The following MED13 variants were observed in gnomAD, a reference collection of about 807,000 sequenced individuals.
MED13 encodes mediator complex subunit 13.
Under a neutral mutation model 225.2 loss-of-function variants are expected in MED13, and 23 were observed. The ratio of observed to expected loss-of-function variants is 0.10; its 90% CI spans 0.07 to 0.14. The LOEUF (loss-of-function observed/expected upper bound fraction) is 0.14, where lower values mean the gene tolerates loss of function less well. MED13 is among the 10% of genes least tolerant of loss of function. MED13 has a pLI of 1.00. For synonymous variants in MED13, 942 were observed against 889.2 expected, an observed-to-expected ratio of 1.06 and a Z score of -1.06; for missense variants, 2,197 against 2,594.5, an observed-to-expected ratio of 0.85 and a Z score of 3.33.
At chr17:62,017,060 A>C (rs1036097101) in intron 8 of MED13, among the ~76,000 whole-genome samples, 1 of 151,004 alleles carries the variant, frequency 6.6e-6, no homozygotes, top group Non-Finnish European at 1.5e-5. Flanking sequence ...AAAGTAAATT[A>C]AACAAATTTT....
intron 27 of MED13, among the ~76,000 whole-genome samples, chr17:61,952,316 T>A (rs1300128109): frequency 1.3e-5 from 2 of 152,190 alleles, no homozygotes; most frequent in African/African-American, 4.8e-5. Flanking sequence ...GAGTAGATGG[T>A]CAGTGTTTTA....
At chr17:61,967,994 G>A (rs750262063) in intron 18 of MED13, 41 bp downstream of exon 18, 6 of 1,470,258 alleles carry the variant, frequency 4.1e-6, no homozygotes, top group East Asian at 2.3e-5. Context: ...AATACAAATC[G>A]TAAGGTAGTT....
At chr17:62,018,844 G>A (rs947245189) in intron 8 of MED13, among the ~76,000 whole-genome samples, 2 of 152,092 alleles carry the variant, frequency 1.3e-5, no homozygotes, top group African/African-American at 4.8e-5. Context: ...GATCCTACAC[G>A]GATATTTAGA....
intron 1 of MED13, among the ~76,000 whole-genome samples, chr17:62,064,904 GGA>G (rs2081069246): frequency 6.6e-6 from 1 of 152,194 alleles, no homozygotes; most frequent in African/African-American, 2.4e-5. Flanking sequence ...ACGGTGAGAA[GGA>G]GAGTCCGAAA....
chr17:61,958,569 C>T (rs1169581643), intron 23 of MED13, among the ~76,000 whole-genome samples: 2 of 152,062 alleles, frequency 1.3e-5, no homozygotes, highest in African/African-American at 2.4e-5. Context: ...GATCTCTTGA[C>T]CTCGTGACCT....
At chr17:61,982,097 A>C (rs991574054) in intron 16 of MED13, 101 bp downstream of exon 16, 36 of 1,140,972 alleles carry the variant, frequency 3.2e-5, no homozygotes, top group Non-Finnish European at 4.0e-5. Flanking sequence ...TCCAACTTTA[A>C]ATGTATTTGC....
Position 61,961,602 on chromosome 17 carries a change from G to C in MED13, c.5242C>G (p.Leu1748Val). The change falls in exon 22 of 30, where the codon CTT (leucine) becomes GTT (valine). Residue 1748 changes from leucine to valine, a missense_variant. By Grantham distance (32) the Leu-to-Val change is conservative. Coordinates refer to ENST00000397786, the MANE Select transcript of MED13 (RefSeq NM_005121.3). ...CATATACTTACATCAGGACTTCTAA[G>C]GGCAGTTTCCATGGCTAAACCTGGA... ...FGPGLAMETA[L>V]RSPDRPECIR... 2 of 1,613,248 alleles carry C rather than the reference G, an allele frequency of 1.2e-6. No homozygotes were observed. The highest frequency in any genetic ancestry group is 1.7e-6 in the Non-Finnish European group (2 of 1,179,752).
intron 3 of MED13, chr17:62,036,990 G>A (rs2080809266): frequency 6.6e-6 from 1 of 152,186 alleles, no homozygotes; most frequent in African/African-American, 2.4e-5. Context: ...CAGGCACAGT[G>A]GCTCACATCT....
intron 9 of MED13, among the ~76,000 whole-genome samples, chr17:61,997,419 G>C (rs1341764298): frequency 2.6e-5 from 4 of 152,142 alleles, no homozygotes; most frequent in Admixed American, 1.3e-4. Context: ...ATAAACAGCT[G>C]AGTATCAAGT....
chr17:61,983,241 G>A (rs1444650888), intron 15 of MED13, 127 bp from the exon 16 acceptor site: 2 of 748,352 alleles, frequency 2.7e-6, no homozygotes, highest in Non-Finnish European at 4.1e-6. Context: ...GACAAGTATT[G>A]CAAGAATTAC....
At chr17:61,977,388 C>T (rs2080166396) in intron 16 of MED13, among the ~76,000 whole-genome samples, 1 of 152,196 alleles carries the variant, frequency 6.6e-6, no homozygotes, top group Non-Finnish European at 1.5e-5. Context: ...AGGAGCTTGC[C>T]ACCATTTCAT....
intron 9 of MED13, among the ~76,000 whole-genome samples, chr17:62,008,378 T>C (rs1268169945): frequency 6.9e-6 from 1 of 145,946 alleles, no homozygotes; most frequent in Non-Finnish European, 1.5e-5. Context: ...GCACAAGGAC[T>C]GGAAAAAAGA....
In MED13 at chr17:62,063,263, C is replaced by A; in HGVS notation, c.105G>T (p.Trp35Cys). 6.2e-7 allele frequency: 1 copy of A among 1,613,742 alleles called. No homozygotes were observed. The highest frequency in any genetic ancestry group is 8.5e-7 in the Non-Finnish European group (1 of 1,179,808). The change falls in exon 2 of 30, where the codon TGG (tryptophan) becomes TGT (cysteine). Residue 35 changes from tryptophan to cysteine, a missense_variant. Trp to Cys is a radical substitution (Grantham distance 215). This residue lies in a region of MED13 where 884 missense variants were observed against 918.5 expected (regional missense o/e 0.96). Coordinates refer to ENST00000397786, the MANE Select transcript of MED13 (RefSeq NM_005121.3). ...GAATAGGGGCAGAAGTTGGGCCTTG[C>A]CATACATATTTTTTCCACTTAATTC... ...LTGIKWKKYV[W>C]QGPTSAPILF... is the part of the protein sequence containing the mutation.
chr17:62,014,884 G>A (rs2080547980), intron 8 of MED13, among the ~76,000 whole-genome samples: 1 of 152,166 alleles, frequency 6.6e-6, no homozygotes, highest in African/African-American at 2.4e-5. Flanking sequence ...TACTAACACA[G>A]CTAGTATTGG....
chr17:61,980,093 G>A (rs575260800), intron 16 of MED13, among the ~76,000 whole-genome samples: 80 of 152,298 alleles, frequency 5.3e-4, no homozygotes, highest in African/African-American at 1.8e-3. Context: ...GGAGGCTGAG[G>A]CAGGAGAATT....
chr17:61,958,807 T>C lies in MED13; in HGVS notation c.5480+2060A>G, dbSNP rs180765166. ...TATGACTTACTGAGCACTTACTATGTACCATCCATTGTGCCCAATCAATTT... is the reference window on the plus strand; with the variant it reads ...TATGACTTACTGAGCACTTACTATGCACCATCCATTGTGCCCAATCAATTT... On this transcript the variant is annotated intron_variant, in intron 23 of 29. Transcript: ENST00000397786. Among the ~76,000 whole-genome samples, 32 of 152,312 alleles carry C rather than the reference T, an allele frequency of 2.1e-4. No homozygotes were observed. The East Asian group carries it at 3.5e-3, about 17-fold the overall frequency.
At chr17:61,961,429 A>G (rs1211134961) in intron 22 of MED13, among the ~76,000 whole-genome samples, 159 bp downstream of exon 22, 2 of 148,962 alleles carry the variant, frequency 1.3e-5, no homozygotes, top group African/African-American at 4.9e-5. Context: ...CTGAGGCAGG[A>G]GAATCGCTTG....
At chr17:62,028,678 T>TA (rs879889260) in intron 8 of MED13, among the ~76,000 whole-genome samples, 35 of 150,152 alleles carry the variant, frequency 2.3e-4, no homozygotes, top group Non-Finnish European at 3.9e-4. Flanking sequence ...TGTCTCTACT[T>TA]TAAAAAAAAA....
At chr17:62,000,742 G>A (rs1224695171) in intron 9 of MED13, among the ~76,000 whole-genome samples, 1 of 152,002 alleles carries the variant, frequency 6.6e-6, no homozygotes, top group Non-Finnish European at 1.5e-5. Context: ...CTTTCATAAG[G>A]TGTATCAATA....
Sources: allele counts gnomAD v4.1 joint callset (sites outside exome capture counted in the v4.1 genomes callset), GRCh38; gene constraint gnomAD v4.1.1; regional missense constraint gnomAD v4.1.1; transcripts MANE v1.5; gene names NCBI Gene and HGNC (gene_info 2026-07-23, HGNC 2026-07-21).